SHISA9: variants seen among roughly 807,000 people sequenced by gnomAD.
SHISA9 encodes the protein protein shisa-9.
Under a neutral mutation model 38.0 loss-of-function variants are expected in SHISA9, and 13 were observed. The ratio of observed to expected loss-of-function variants is 0.34; its 90% confidence interval spans 0.22 to 0.54. The LOEUF is 0.54. Ranked by LOEUF, SHISA9 falls within the 20% of genes least tolerant of loss-of-function variation. The pLI is 0.91. For synonymous variants in SHISA9, 275 were observed against 242.0 expected (o/e 1.14, Z -1.27); for missense variants, 538 against 575.8 (o/e 0.93, Z 0.67).
chr16:13,355,975 G>T, the SHISA9 span, among the ~76,000 whole-genome samples: 1 of 152,182 alleles, frequency 6.6e-6, no homozygotes, highest in African/African-American at 2.4e-5. Context: ...TGGCTTAGGA[G>T]GAATCCCAGG....
At chr16:12,955,627 A>G (rs948842820) in intron 2 of SHISA9, among the ~76,000 whole-genome samples, 1 of 128,138 alleles carries the variant, frequency 7.8e-6, no homozygotes, top group African/African-American at 2.8e-5. Context: ...CTTATCTTCA[A>G]CAAAGTAAAA....
intron 2 of SHISA9, among the ~76,000 whole-genome samples, chr16:12,959,791 G>T (rs2071885196): frequency 6.6e-6 from 1 of 152,174 alleles, no homozygotes; most frequent in Non-Finnish European, 1.5e-5. Flanking sequence ...TATTCCTGGG[G>T]CTCTTTGCAC....
intron 2 of SHISA9, among the ~76,000 whole-genome samples, chr16:13,056,642 G>A (rs567827151): frequency 5.9e-5 from 9 of 152,304 alleles, no homozygotes; most frequent in South Asian, 2.1e-4. Flanking sequence ...GGAGCTGTGT[G>A]GTCTTAGCTA....
chr16:13,199,234 G>C (rs1019046960), intron 2 of SHISA9, among the ~76,000 whole-genome samples: 1 of 152,180 alleles, frequency 6.6e-6, no homozygotes. Flanking sequence ...TCTTTAATTA[G>C]ACAGTCTAGT....
At chr16:13,559,380 T>C in the SHISA9 span, among the ~76,000 whole-genome samples, 1 of 147,172 alleles carries the variant, frequency 6.8e-6, no homozygotes, top group Non-Finnish European at 1.5e-5. Flanking sequence ...TTCTGCATTT[T>C]CTATTTTTTT....
chr16:13,229,832 T>C (rs955809744), intron 4 of SHISA9, among the ~76,000 whole-genome samples: 1 of 152,176 alleles, frequency 6.6e-6, no homozygotes, highest in Non-Finnish European at 1.5e-5. Context: ...AGGCAATATC[T>C]CAGCTAAGTC....
chr16:13,147,262 A>G (rs1384690884), intron 2 of SHISA9, among the ~76,000 whole-genome samples: 1 of 152,100 alleles, frequency 6.6e-6, no homozygotes, highest in Admixed American at 6.5e-5. Context: ...ACTGAATTCT[A>G]TCTAAGGGCT....
At chr16:13,533,330 T>C in the SHISA9 span, among the ~76,000 whole-genome samples, 1 of 152,202 alleles carries the variant, frequency 6.6e-6, no homozygotes, top group African/African-American at 2.4e-5. Context: ...ATTCTGTGCC[T>C]GAAGCCTAGG....
the SHISA9 span, among the ~76,000 whole-genome samples, chr16:13,485,362 G>A: frequency 2.6e-5 from 4 of 152,124 alleles, no homozygotes; most frequent in African/African-American, 9.7e-5. Flanking sequence ...CCCTGCAAAG[G>A]ACATGAGCTC....
chr16:13,253,673 C>A, the SHISA9 span, among the ~76,000 whole-genome samples: 7 of 152,052 alleles, frequency 4.6e-5, no homozygotes, highest in Non-Finnish European at 1.0e-4. Flanking sequence ...AATTATCTCC[C>A]ACAAGATCCC....
chr16:12,990,219 G>A (rs1224874017), intron 2 of SHISA9, among the ~76,000 whole-genome samples: 1 of 151,986 alleles, frequency 6.6e-6, no homozygotes, highest in East Asian at 1.9e-4. Flanking sequence ...CTTTGCTATT[G>A]GATGCATAGT....
At chr16:12,996,186 G>A (rs778457428) in intron 2 of SHISA9, among the ~76,000 whole-genome samples, 16 of 152,268 alleles carry the variant, frequency 1.1e-4, no homozygotes, top group Middle Eastern at 3.4e-3. Context: ...CTGTCTGGCA[G>A]ATATGTTTGA....
chr16:13,200,234 G>A (rs1220068274), intron 2 of SHISA9, among the ~76,000 whole-genome samples: 1 of 152,022 alleles, frequency 6.6e-6, no homozygotes, highest in Non-Finnish European at 1.5e-5. Flanking sequence ...GAGATCACCT[G>A]CCAAATATGC....
the SHISA9 span, among the ~76,000 whole-genome samples, chr16:13,327,782 A>C: frequency 1.2e-4 from 18 of 151,726 alleles, no homozygotes; most frequent in Non-Finnish European, 2.5e-4. Context: ...TCAGCCTCCC[A>C]AGTAGTTGGG....
At chr16:13,488,738 CTTAT>C in the SHISA9 span, among the ~76,000 whole-genome samples, 2 of 152,076 alleles carry the variant, frequency 1.3e-5, no homozygotes, top group Non-Finnish European at 2.9e-5. Flanking sequence ...ACAATGCATT[CTTAT>C]TTATTTATTT....
chr16:13,043,102 G>T (rs919621948), intron 2 of SHISA9, among the ~76,000 whole-genome samples: 15 of 152,184 alleles, frequency 9.9e-5, no homozygotes, highest in Non-Finnish European at 4.4e-5. Context: ...GCTCCATGCA[G>T]TCACTCAAGG....
chr16:13,004,074 G>A (rs1172680712), intron 2 of SHISA9, among the ~76,000 whole-genome samples: 2 of 152,166 alleles, frequency 1.3e-5, no homozygotes, highest in African/African-American at 4.8e-5. Context: ...TAAGGGTGGA[G>A]GCATTTGGCA....
At chr16:13,351,798 G>T in the SHISA9 span, among the ~76,000 whole-genome samples, 1 of 152,196 alleles carries the variant, frequency 6.6e-6, no homozygotes, top group Non-Finnish European at 1.5e-5. Flanking sequence ...AGGATTGGTT[G>T]CTAACACCAG....
At position 12,971,415 on chromosome 16, in the gene SHISA9, C is replaced by T. The variant is rs575797628; in HGVS notation, c.691+54600C>T. ...TGGGTTGGAGAGGCAGGCAGAAACCCTCTTGTCTCTTGGCTGGCTGCCCAG... is the reference window on the plus strand; with the variant it reads ...TGGGTTGGAGAGGCAGGCAGAAACCTTCTTGTCTCTTGGCTGGCTGCCCAG... On this transcript the variant is annotated intron_variant, in intron 2 of 4. Coordinates refer to ENST00000558583, the MANE Select transcript of SHISA9 (RefSeq NM_001145204.3). Among the ~76,000 whole-genome samples, 22 of 152,312 alleles carry T rather than the reference C, an allele frequency of 1.4e-4. 1 individual carries two copies. In the South Asian group the frequency reaches 4.6e-3, roughly 32 times the overall value.
Sources: gnomAD v4.1 joint callset for allele counts (sites outside exome capture counted in the v4.1 genomes callset) on GRCh38, gnomAD v4.1.1 for gene constraint, MANE v1.5 for transcripts, NCBI Gene and HGNC (gene_info 2026-07-23, HGNC 2026-07-21) for gene names.